Variants in SH3PXD2A observed in about 807,000 individuals in gnomAD.
SH3PXD2A encodes the protein SH3 and PX domains 2A.
In SH3PXD2A, 32 loss-of-function variants were observed where a neutral mutation model predicts 115.2. The ratio of observed to expected loss-of-function variants is 0.28; its 90% confidence interval spans 0.21 to 0.37. SH3PXD2A has a LOEUF of 0.37. SH3PXD2A is among the 10% of genes least tolerant of loss of function. The probability of loss-of-function intolerance (pLI) is 1.00; values close to 1 mark genes in which losing one functional copy is unlikely to be tolerated. For missense variants in SH3PXD2A, 1,328 were observed against 1,498.7 expected, an observed-to-expected ratio of 0.89 and a Z score of 1.88; for synonymous variants, 610 against 629.1, an observed-to-expected ratio of 0.97 and a Z score of 0.45.
chr10:103,714,907 A>G (rs2134161145), intron 5 of SH3PXD2A, among the ~76,000 whole-genome samples: 1 of 152,316 alleles, frequency 6.6e-6, no homozygotes, highest in East Asian at 1.9e-4. Flanking sequence ...TTCTACCCCA[A>G]TCCCCCAGGA....
At chr10:103,712,367 G>C (rs1206717682) in intron 5 of SH3PXD2A, among the ~76,000 whole-genome samples, 1 of 152,222 alleles carries the variant, frequency 6.6e-6, no homozygotes, top group Non-Finnish European at 1.5e-5. Context: ...CCATTCATGA[G>C]AGAGGGTGTG....
rs547454042 is a variant in SH3PXD2A, at chr10:103,647,841, G to A, written c.604+13142C>T. Among the ~76,000 whole-genome samples the A allele has an allele frequency of 2.6e-4, 39 of 152,300 alleles. 2 individuals are homozygous for A. In the South Asian group the frequency reaches 7.7e-3, roughly 30 times the overall value. On this transcript the variant is annotated intron_variant, in intron 8 of 14. Coordinates refer to ENST00000369774, the MANE Select transcript of SH3PXD2A (RefSeq NM_001394015.1). ...CATAATGCCAGTGCTCCGGAGCAGCGTCGTTCATGCCCAAGCACGAAAGAG... is the reference window on the plus strand; with the variant it reads ...CATAATGCCAGTGCTCCGGAGCAGCATCGTTCATGCCCAAGCACGAAAGAG...
chr10:103,606,841 C>A (rs375453709), intron 13 of SH3PXD2A, among the ~76,000 whole-genome samples: 2 of 152,224 alleles, frequency 1.3e-5, no homozygotes, highest in South Asian at 2.1e-4. Context: ...ATCTCGGCTC[C>A]CTACAACCTC....
intron 5 of SH3PXD2A, among the ~76,000 whole-genome samples, chr10:103,721,811 A>C (rs1200913179): frequency 2.0e-5 from 3 of 152,100 alleles, no homozygotes; most frequent in Non-Finnish European, 4.4e-5. Context: ...AGGATGAAGA[A>C]GGAAGGGGCA....
chr10:103,615,345 CAGG>C (rs575326173), intron 11 of SH3PXD2A, among the ~76,000 whole-genome samples: 72 of 152,308 alleles, frequency 4.7e-4, no homozygotes, highest in African/African-American at 1.7e-3. Context: ...ATTAAGATTC[CAGG>C]AGGAGAAACG....
chr10:103,831,702 G>GT (rs945113837), intron 1 of SH3PXD2A, among the ~76,000 whole-genome samples: 16 of 152,058 alleles, frequency 1.1e-4, no homozygotes, highest in Admixed American at 2.0e-4. Flanking sequence ...GCAATTCAGT[G>GT]TTTTTTTAGT....
At chr10:103,734,366 CTTTATTTGCTTGTTTTTTTTT>C (rs1487854872) in intron 4 of SH3PXD2A, among the ~76,000 whole-genome samples, 2 of 152,122 alleles carry the variant, frequency 1.3e-5, no homozygotes, top group Admixed American at 1.3e-4. Flanking sequence ...TTTGTGTTTG[CTTTATTTGCTTGTTTTTTTTT>C]TTTATTTGCT....
intron 2 of SH3PXD2A, among the ~76,000 whole-genome samples, chr10:103,799,055 G>A (rs1245342523): frequency 3.9e-5 from 6 of 152,200 alleles, no homozygotes; most frequent in Admixed American, 2.6e-4. Context: ...TCACACTACA[G>A]ATGAGAAAAG....
chr10:103,671,206 G>A (rs985349794), intron 6 of SH3PXD2A, among the ~76,000 whole-genome samples: 1 of 152,236 alleles, frequency 6.6e-6, no homozygotes, highest in African/African-American at 2.4e-5. Context: ...CAAAGGGCCA[G>A]AGAATAAACA....
chr10:103,722,306 A>C (rs1246302780), intron 5 of SH3PXD2A, among the ~76,000 whole-genome samples: 1 of 150,268 alleles, frequency 6.7e-6, no homozygotes, highest in Admixed American at 6.6e-5. Context: ...TCTGTCTCAA[A>C]AAAAAAAAAA....
At chr10:103,802,338 C>T (rs1256533588) in intron 1 of SH3PXD2A, among the ~76,000 whole-genome samples, 3 of 152,162 alleles carry the variant, frequency 2.0e-5, no homozygotes, top group Admixed American at 6.5e-5. Flanking sequence ...GGATGAGAAA[C>T]GGATTTGAAG....
In SH3PXD2A at chr10:103,836,563, T is replaced by TACACACACAACACATCCA. The variant is rs754585735; in HGVS notation, c.72+18614_72+18631dup. On this transcript the variant is annotated intron_variant, in intron 1 of 14. Coordinates refer to ENST00000369774, the MANE Select transcript of SH3PXD2A (RefSeq NM_001394015.1). ...TCAAACTCATATACAGACACATCCA[T>TACACACACAACACATCCA]ACACACACAACACATCCAACACACA... Among the ~76,000 whole-genome samples the TACACACACAACACATCCA allele has an allele frequency of 3.3e-3, 485 of 146,962 alleles. 2 individuals are homozygous for TACACACACAACACATCCA. Among genetic ancestry groups the TACACACACAACACATCCA allele is most frequent in the Non-Finnish European group, 5.2e-3 (349 of 66,756 alleles).
chr10:103,767,054 G>T (rs566898990), intron 3 of SH3PXD2A, 40 bp downstream of exon 3: 2 of 1,501,466 alleles, frequency 1.3e-6, no homozygotes, highest in Non-Finnish European at 1.9e-6. Flanking sequence ...GGTCCTTCCC[G>T]GGTATCCCCC....
intron 1 of SH3PXD2A, among the ~76,000 whole-genome samples, chr10:103,847,309 T>C (rs1458127255): frequency 2.0e-5 from 3 of 151,880 alleles, no homozygotes; most frequent in African/African-American, 7.3e-5. Context: ...GATGCCTAGC[T>C]TTTTAGAATT....
At chr10:103,796,897 T>C (rs961533923) in intron 2 of SH3PXD2A, among the ~76,000 whole-genome samples, 2 of 149,122 alleles carry the variant, frequency 1.3e-5, no homozygotes, top group Non-Finnish European at 3.0e-5. Flanking sequence ...GGTGTTACTC[T>C]GTTGCCCAGG....
intron 5 of SH3PXD2A, among the ~76,000 whole-genome samples, chr10:103,709,646 G>A (rs531717456): frequency 2.0e-5 from 3 of 152,312 alleles, no homozygotes; most frequent in African/African-American, 7.2e-5. Context: ...CCCTTGCCAA[G>A]CTTCATTGAG....
At chr10:103,798,945 C>T (rs1209934455) in intron 2 of SH3PXD2A, among the ~76,000 whole-genome samples, 1 of 152,208 alleles carries the variant, frequency 6.6e-6, no homozygotes, top group Non-Finnish European at 1.5e-5. Flanking sequence ...CTGCAACCTG[C>T]TAACACCAGG....
intron 2 of SH3PXD2A, among the ~76,000 whole-genome samples, chr10:103,797,315 C>A (rs7919263): frequency 6.6e-6 from 1 of 151,904 alleles, no homozygotes; most frequent in Non-Finnish European, 1.5e-5. Context: ...GGGAAGGGGA[C>A]GCTGAGATAA....
In SH3PXD2A at chr10:103,654,746, A is replaced by G. The variant is rs114848096; in HGVS notation, c.604+6237T>C. On this transcript the variant is annotated intron_variant, in intron 8 of 14. Coordinates refer to ENST00000369774, the MANE Select transcript of SH3PXD2A (RefSeq NM_001394015.1). ...ATTCCTTTAGAATTAGCATATACCA[A>G]CCCTATAGCTGTGGGTACAATTATC... Among the ~76,000 whole-genome samples the G allele has an allele frequency of 5.1e-3, 777 of 152,192 alleles. 6 individuals are homozygous for G. The highest frequency in any genetic ancestry group is 0.017 in the African/African-American group (720 of 41,516).
Sources: allele counts gnomAD v4.1 joint callset (sites outside exome capture counted in the v4.1 genomes callset), GRCh38; gene constraint gnomAD v4.1.1; transcripts MANE v1.5; gene names NCBI Gene and HGNC (gene_info 2026-07-23, HGNC 2026-07-21).